TMEM63A: variants seen among roughly 807,000 people sequenced by gnomAD.
The protein encoded by TMEM63A is transmembrane protein 63A.
TMEM63A carries 76 observed loss-of-function variants against 100.6 expected under a neutral mutation model. The ratio of observed to expected loss-of-function variants is 0.76; its 90% confidence interval spans 0.63 to 0.91. The LOEUF (loss-of-function observed/expected upper bound fraction) is 0.91, where lower values mean the gene tolerates loss of function less well. Ranked by LOEUF, TMEM63A falls within the 40% of genes least tolerant of loss-of-function variation. The pLI is 0.00. For missense variants in TMEM63A, 876 were observed against 1,008.8 expected (o/e 0.87, Z 1.78); for synonymous variants, 401 against 401.1 (o/e 1.00, Z 0.00).
chr1:225,853,735 G>A lies in TMEM63A; in HGVS notation c.1691C>T (p.Ala564Val). Residue 564 changes from alanine (A) to valine (V), a missense_variant, in exon 19 of 25, where the codon GCC (alanine) becomes GTC (valine). Ala to Val is a moderately conservative substitution (Grantham distance 64). This residue lies in a region of TMEM63A where 339 missense variants were observed against 342.3 expected (regional missense o/e 0.99). Coordinates refer to ENST00000366835, the MANE Select transcript of TMEM63A (RefSeq NM_014698.3). This position sits in a 1 kb window ranked among gnomAD's most constrained non-coding sequence, Gnocchi z 4.0. ...AFFVNYVIAS[A>V]FIGNGMELLR... ...CAGCTCCATGCCATTGCCGATGAAGGCCGAGGCGATGACATAGTTCACAAA... is the reference window on the plus strand; with the variant it reads ...CAGCTCCATGCCATTGCCGATGAAGACCGAGGCGATGACATAGTTCACAAA... 6.2e-7 allele frequency: 1 copy of A among 1,605,614 alleles called. No homozygotes were observed. Among genetic ancestry groups the A allele is most frequent in the Non-Finnish European group, 8.5e-7 (1 of 1,176,062 alleles).
At chr1:225,870,405 T>C (rs1042369254) in intron 6 of TMEM63A, among the ~76,000 whole-genome samples, 1 of 147,928 alleles carries the variant, frequency 6.8e-6, no homozygotes, top group African/African-American at 2.5e-5. Context: ...TTCAATGGAA[T>C]ATGGCAGCAG....
intron 8 of TMEM63A, 125 bp downstream of exon 8, chr1:225,866,987 G>T (rs542751566): frequency 4.6e-5 from 44 of 965,426 alleles, no homozygotes; most frequent in Non-Finnish European, 5.7e-5. Flanking sequence ...CAACTCACTA[G>T]CTGCAAGGGG....
downstream of TMEM63A, chr1:225,842,283 G>A (rs1668491604): frequency 1.9e-6 from 2 of 1,057,072 alleles, no homozygotes; most frequent in Admixed American, 3.5e-5. Context: ...GCCCTCTGCG[G>A]CCAGTGCCAC....
chr1:225,848,326 C>G (rs1022956217), intron 23 of TMEM63A, 166 bp downstream of exon 23: 8 of 666,784 alleles, frequency 1.2e-5, no homozygotes, highest in Admixed American at 8.8e-5. Context: ...GGTTAAAATA[C>G]CCAGGGGGAC....
intron 23 of TMEM63A, 77 bp downstream of exon 23, chr1:225,848,415 G>T: frequency 6.8e-7 from 1 of 1,465,172 alleles, no homozygotes; most frequent in Non-Finnish European, 9.4e-7. Flanking sequence ...GATTTGCCGG[G>T]GCCCATCTGG....
rs1290281490 is a variant in TMEM63A at position 225,882,288 on chromosome 1, CCCCTGT to C, written c.-206+10_-206+15del. 2.6e-5 allele frequency: 4 copies of C among 151,782 alleles called. No homozygotes were observed. The highest frequency in any genetic ancestry group is 9.7e-5 in the African/African-American group (4 of 41,404). 9.4% of individuals were successfully genotyped at this position (151,782 alleles called of 1,614,324 possible). A position where few individuals can be genotyped will look rare whatever the true frequency, so the allele number is the denominator to read the frequency against. Reference sequence around the variant, plus strand: ...GAGGGTGCATTGCCCCTCCTCACGCCCCCTGTCCCCTGTACCTGCGGCGGCGGCGTG... The same window carrying C: ...GAGGGTGCATTGCCCCTCCTCACGCCCCCCTGTACCTGCGGCGGCGGCGTG... On this transcript the variant is annotated intron_variant, in intron 1 of 24. Coordinates refer to ENST00000366835, the MANE Select transcript of TMEM63A (RefSeq NM_014698.3).
intron 2 of TMEM63A, among the ~76,000 whole-genome samples, chr1:225,878,836 A>C (rs892443012): frequency 2.6e-5 from 4 of 151,612 alleles, no homozygotes; most frequent in African/African-American, 7.3e-5. Context: ...CTAGGCCTAG[A>C]GTGCTGGGGA....
At chr1:225,842,365 G>C, downstream of TMEM63A, 20 of 1,608,934 alleles carry the variant, frequency 1.2e-5, no homozygotes, top group Non-Finnish European at 1.7e-5. Flanking sequence ...CTCCCCGCCA[G>C]GCTCTGCTCT....
At chr1:225,873,302 C>A (rs1442475065) in intron 4 of TMEM63A, among the ~76,000 whole-genome samples, 1 of 152,176 alleles carries the variant, frequency 6.6e-6, no homozygotes, top group Non-Finnish European at 1.5e-5. Context: ...AAGTTTCTCT[C>A]CAACAGTCCA....
rs996376330 is a variant in TMEM63A at position 225,867,615 on chromosome 1, TA to T, written c.514+272del. Among the ~76,000 whole-genome samples, 10 of 152,272 alleles carry T rather than the reference TA, an allele frequency of 6.6e-5. No individual in the cohort carries two copies. The highest frequency in any genetic ancestry group is 6.2e-4 in the South Asian group (3 of 4,822). On this transcript the variant is annotated intron_variant, in intron 7 of 24. Transcript: ENST00000366835. The surrounding 1 kb of genome is among the most constrained non-coding windows in gnomAD (Gnocchi z 4.6). The stretch of plus-strand genomic sequence containing the variant: ...TAATTTGGGTGAGGGCAGGAAAGTA[TA>T]AAAGACTCTCTGATAGCCCCTGATT...
chr1:225,843,450 G>A (rs528384509), downstream of TMEM63A, among the ~76,000 whole-genome samples: 2 of 152,334 alleles, frequency 1.3e-5, no homozygotes, highest in African/African-American at 2.4e-5. Context: ...TCCTCCAAGA[G>A]CCTCAGCAGG....
Position 225,862,961 on chromosome 1 carries a change from C to A in TMEM63A, c.747-110G>T. 9.6e-7 allele frequency: 1 copy of A among 1,046,236 alleles called. No homozygotes were observed. Among genetic ancestry groups the A allele is most frequent in the East Asian group, 2.6e-5 (1 of 38,352 alleles). The allele number at this position is 1,046,236 out of a possible 1,614,324, so 64.8% of individuals were successfully genotyped here. A position where few individuals can be genotyped will look rare whatever the true frequency, so the allele number is the denominator to read the frequency against. On this transcript the variant is annotated intron_variant, in intron 10 of 24. Transcript: ENST00000366835. This position sits in a 1 kb window ranked among gnomAD's most constrained non-coding sequence, Gnocchi z 5.1. ...AAAGGATGGCAGAGTGATCTCGCTG[C>A]TGGTTTCTGTGCCAGCGGAGACCTC...
chr1:225,878,885 T>TACACACACACACACACAC (rs55792328), intron 2 of TMEM63A, among the ~76,000 whole-genome samples: 1 of 139,520 alleles, frequency 7.2e-6, no homozygotes, highest in African/African-American at 2.7e-5. Flanking sequence ...CCTACCTACC[T>TACACACACACACACACAC]ACACACACAC....
chr1:225,841,055 G>A (rs1668361378), downstream of TMEM63A: 1 of 152,166 alleles, frequency 6.6e-6, no homozygotes, highest in Non-Finnish European at 1.5e-5. Context: ...ACATTTTGGT[G>A]AGAATTTTCA....
intron 22 of TMEM63A, 55 bp from the exon 23 acceptor site, chr1:225,848,609 A>C: frequency 6.4e-7 from 1 of 1,560,540 alleles, no homozygotes; most frequent in Non-Finnish European, 8.8e-7. Flanking sequence ...TCTGTGAACA[A>C]ACACCCTCCA....
Position 225,862,455 on chromosome 1 carries a change from C to A in TMEM63A, c.951G>T (p.Trp317Cys). 6.2e-7 allele frequency: 1 copy of A among 1,614,096 alleles called. No homozygotes were observed. ...CCCAGCCGGGGGGTGGGACCCTTAC[C>A]CACTCACAGCCCAGCACTTCACAGC... ...FCCCEVLGCEWEDAISYYTRM... is the reference protein window; with the variant it reads ...FCCCEVLGCECEDAISYYTRM... Residue 317 changes from tryptophan to cysteine, a missense_variant and splice_region_variant, in exon 12 of 25, where the codon TGG becomes TGT. This residue lies in a region of TMEM63A where 487 missense variants were observed against 581.9 expected (regional missense o/e 0.84). Transcript: ENST00000366835. This position sits in a 1 kb window ranked among gnomAD's most constrained non-coding sequence, Gnocchi z 5.1.
intron 18 of TMEM63A, among the ~76,000 whole-genome samples, chr1:225,855,120 G>A (rs543974635): frequency 6.6e-6 from 1 of 152,104 alleles, no homozygotes; most frequent in African/African-American, 2.4e-5. Flanking sequence ...AAAATAACTC[G>A]CCCCATCCTT....
chr1:225,867,047 G>T lies in TMEM63A; in HGVS notation c.566+65C>A. The T allele has an allele frequency of 6.4e-7, 1 of 1,571,504 alleles. No homozygotes were observed. The highest frequency in any genetic ancestry group is 8.8e-7 in the Non-Finnish European group (1 of 1,141,560). On this transcript the variant is annotated intron_variant, in intron 8 of 24. Coordinates refer to ENST00000366835, the MANE Select transcript of TMEM63A (RefSeq NM_014698.3). This position sits in a 1 kb window ranked among gnomAD's most constrained non-coding sequence, Gnocchi z 4.6. ...TTGGAGTACCTCTGGCCTGCCCCGG[G>T]CTCCTGACCTGCCTTCTCCTTGATC...
intron 21 of TMEM63A, among the ~76,000 whole-genome samples, chr1:225,849,273 C>T (rs750100453): frequency 6.6e-6 from 1 of 151,962 alleles, no homozygotes; most frequent in Non-Finnish European, 1.5e-5. Flanking sequence ...ACTGGGGTGC[C>T]AAGTCAATGG....
Sources: gnomAD v4.1 joint callset for allele counts (sites outside exome capture counted in the v4.1 genomes callset) on GRCh38, gnomAD v4.1.1 for gene constraint, gnomAD v4.1.1 regional missense constraint, Gnocchi (gnomAD v3.1) non-coding constraint, MANE v1.5 for transcripts, NCBI Gene and HGNC (gene_info 2026-07-23, HGNC 2026-07-21) for gene names.